The following PCSK4 variants were observed in gnomAD, a reference collection of about 807,000 sequenced individuals.
PCSK4 encodes testicular tissue protein Li 135.
A neutral mutation model predicts 80.3 loss-of-function variants in PCSK4; 64 were observed. The observed-to-expected ratio is 0.80, with a 90% CI of 0.65 to 0.98. The LOEUF (loss-of-function observed/expected upper bound fraction) is 0.98. Among genes scored for constraint, PCSK4 ranks in the 50% least tolerant of loss-of-function variants. The pLI, the probability that PCSK4 is intolerant of heterozygous loss-of-function variation, is 0.00. For synonymous variants in PCSK4, 561 were observed against 487.6 expected (o/e 1.15, Z -1.98); for missense variants, 1,213 against 1,093.6 (o/e 1.11, Z -1.54).
rs963907905 is a variant in PCSK4 at position 1,484,011 on chromosome 19, C to A, written c.1169+16G>T. 31 of 1,525,018 alleles carry A rather than the reference C, an allele frequency of 2.0e-5. No homozygotes were observed. The African/African-American group carries it at 4.2e-4, about 20-fold the overall frequency. 94.5% of individuals were successfully genotyped at this position (1,525,018 alleles called of 1,614,324 possible). On this transcript the variant is annotated intron_variant, in intron 9 of 14. Coordinates refer to ENST00000300954, the Ensembl canonical transcript of PCSK4. ...CTGGGGGCGAGGGCGGTGGACCGGG[C>A]CCCGCAGTCACCTACTTGGCCTCCA... is the stretch of plus-strand genomic sequence containing the variant.
At chr19:1,484,348 A>G (rs1428079089) in intron 8 of PCSK4, among the ~76,000 whole-genome samples, 1 of 151,932 alleles carries the variant, frequency 6.6e-6, no homozygotes, top group Non-Finnish European at 1.5e-5. Flanking sequence ...TTAGCCAGGC[A>G]TGGTGGCGGG....
intron 8 of PCSK4, 36 bp from the exon 9 acceptor site, chr19:1,484,163 G>T: frequency 2.5e-6 from 3 of 1,200,050 alleles, no homozygotes; most frequent in Non-Finnish European, 2.4e-6. Flanking sequence ...GGGGGGCCGT[G>T]CACAGTGAGA....
intron 8 of PCSK4, 40 bp downstream of exon 8, chr19:1,486,813 G>A (rs1232372933): frequency 8.6e-6 from 13 of 1,513,520 alleles, no homozygotes; most frequent in Non-Finnish European, 1.2e-5. Context: ...TGGGATGGCA[G>A]GGCCTGGGGA....
At position 1,489,770 on chromosome 19, in the gene PCSK4, GTTGGCC is replaced by G; in HGVS notation, c.294+17_294+22del. The G allele has an allele frequency of 6.3e-7, 1 of 1,594,910 alleles. No homozygotes were observed. Among genetic ancestry groups the G allele is most frequent in the East Asian group, 2.3e-5 (1 of 43,780 alleles). On this transcript the variant is annotated intron_variant, in intron 2 of 14. Transcript: ENST00000300954. ...AGGCAGCTGAGACCCCGGGCAGGGG[GTTGGCC>G]TCCAGGCCAGGCTCACCTTGGGGTT...
At chr19:1,484,091 G>T (rs868432054) in exon 9 of PCSK4, 1 of 1,566,738 alleles carries the variant, frequency 6.4e-7, no homozygotes. Flanking sequence ...GTGCCCGTGT[G>T]CTGGTCTGTG....
In PCSK4 at chr19:1,489,623, T is replaced by C; in HGVS notation, c.294+170A>G. ...CCTGGCAGGCGCCATGATTTCCGTA[T>C]CTGGGTCTTCCTGCCTCCTCTTGCT... On this transcript the variant is annotated intron_variant, in intron 2 of 14. Coordinates refer to ENST00000300954, the Ensembl canonical transcript of PCSK4. 13 of 1,233,222 alleles carry C rather than the reference T, an allele frequency of 1.1e-5. No individual in the cohort carries two copies. The South Asian group carries it at 1.9e-4, about 18-fold the overall frequency. 76.4% of individuals were successfully genotyped at this position (1,233,222 alleles called of 1,614,324 possible). A position where few individuals can be genotyped will look rare whatever the true frequency, so the allele number is the denominator to read the frequency against.
exon 14 of PCSK4, chr19:1,482,355 T>C: frequency 6.5e-7 from 1 of 1,541,160 alleles, no homozygotes; most frequent in Non-Finnish European, 8.7e-7. Flanking sequence ...GCACTCACCC[T>C]GGCACAGCCC....
intron 8 of PCSK4, among the ~76,000 whole-genome samples, chr19:1,486,422 G>A (rs866421889): frequency 5.3e-5 from 8 of 151,716 alleles, no homozygotes; most frequent in Admixed American, 1.3e-4. Flanking sequence ...TCAGCCTCCC[G>A]AGTAGCTGGG....
chr19:1,487,403 G>T, intron 6 of PCSK4, 90 bp from the exon 7 acceptor site: 2 of 1,099,230 alleles, frequency 1.8e-6, no homozygotes, highest in Non-Finnish European at 2.6e-6. Context: ...CCACTCCCCA[G>T]CCCTACCTGG....
At chr19:1,489,293 G>A (rs943377691) in intron 2 of PCSK4, among the ~76,000 whole-genome samples, 19 of 152,164 alleles carry the variant, frequency 1.2e-4, no homozygotes, top group African/African-American at 3.6e-4. Flanking sequence ...CACCATGCCC[G>A]GCTAATTTTT....
At chr19:1,482,840 C>G (rs1002648083) in intron 13 of PCSK4, 56 bp downstream of exon 13, 1 of 1,592,390 alleles carries the variant, frequency 6.3e-7, no homozygotes, top group African/African-American at 1.3e-5. Context: ...TCCAGAGCCC[C>G]TGGGGGGAGG....
At chr19:1,483,713 G>GCGGTGTCCACCAGCAGCC in exon 11 of PCSK4, 3 of 1,596,244 alleles carry the variant, frequency 1.9e-6, no homozygotes, top group Non-Finnish European at 2.5e-6. Flanking sequence ...CCAGGTGCGG[G>GCGGTGTCCACCAGCAGCC]CGGTGTCCAC....
Position 1,482,649 on chromosome 19 carries a change from G to A in PCSK4, c.1697-174C>T, listed in dbSNP as rs756808738. On this transcript the variant is annotated intron_variant, in intron 13 of 14. Coordinates refer to ENST00000300954, the Ensembl canonical transcript of PCSK4. ...CTGTCACTGGACACCGACATCTCCC[G>A]GGTGACTGCACACCTACTGTGCGCC... is the stretch of plus-strand genomic sequence containing the variant. 2,101 of 857,856 alleles carry A rather than the reference G, an allele frequency of 2.4e-3. 8 individuals are homozygous for A. Among genetic ancestry groups the A allele is most frequent in the Middle Eastern group, 3.9e-3 (11 of 2,822 alleles). 53.1% of individuals were successfully genotyped at this position (857,856 alleles called of 1,614,324 possible).
exon 4 of PCSK4, chr19:1,487,997 G>C (rs61735614): frequency 6.2e-7 from 1 of 1,613,238 alleles, no homozygotes; most frequent in South Asian, 1.1e-5. Context: ...GGTCCTTCTC[G>C]ATGCCATCGT....
intron 8 of PCSK4, among the ~76,000 whole-genome samples, chr19:1,485,323 G>GGA (rs1246384528): frequency 1.3e-5 from 2 of 152,038 alleles, no homozygotes; most frequent in Non-Finnish European, 2.9e-5. Flanking sequence ...CGGCACTTTG[G>GGA]GAGGCCGAGG....
In PCSK4 at chr19:1,487,133, C is replaced by A; in HGVS notation, c.855+8G>T. 1 of 1,603,570 alleles carries A rather than the reference C, an allele frequency of 6.2e-7. No homozygotes were observed. ...TGCCACCCCTGCCCTCCTCGGGCTG[C>A]CACTCACCTTGGTCACACCACGCCG... On this transcript the variant is annotated splice_region_variant and intron_variant, in intron 7 of 14. Coordinates refer to ENST00000300954, the Ensembl canonical transcript of PCSK4.
At chr19:1,483,395 C>T (rs138753328) in exon 12 of PCSK4, 14 of 1,604,398 alleles carry the variant, frequency 8.7e-6, no homozygotes, top group Non-Finnish European at 1.0e-5. Context: ...CTCCAGCGAG[C>T]GGATGGAGTT....
chr19:1,482,867 CG>C, intron 13 of PCSK4, 28 bp downstream of exon 13: 1 of 1,608,162 alleles, frequency 6.2e-7, no homozygotes, highest in Non-Finnish European at 8.5e-7. Flanking sequence ...AGCCAAGCCC[CG>C]CCCACCACAG....
At chr19:1,484,469 G>A (rs578098877) in intron 8 of PCSK4, among the ~76,000 whole-genome samples, 1 of 151,652 alleles carries the variant, frequency 6.6e-6, no homozygotes, top group East Asian at 1.9e-4. Flanking sequence ...CTCCAGCCTG[G>A]GCAACAGAGC....
Sources: allele counts gnomAD v4.1 joint callset (sites outside exome capture counted in the v4.1 genomes callset), GRCh38; gene constraint gnomAD v4.1.1; transcripts MANE v1.5; gene names NCBI Gene and HGNC (gene_info 2026-07-23, HGNC 2026-07-21).